NEURL1: variants seen among roughly 807,000 people sequenced by gnomAD.
NEURL1 encodes the protein neuralized E3 ubiquitin protein ligase 1, also known as E3 ubiquitin-protein ligase NEURL1.
In NEURL1, 26 loss-of-function variants were observed where a neutral mutation model predicts 41.2. The ratio of observed to expected loss-of-function variants is 0.63; its 90% CI spans 0.46 to 0.87. The LOEUF (loss-of-function observed/expected upper bound fraction) is 0.87. NEURL1 is among the 40% of genes least tolerant of loss of function. NEURL1 has a pLI of 0.00. For synonymous variants in NEURL1, 400 were observed against 402.3 expected, an observed-to-expected ratio of 0.99 and a Z score of 0.07; for missense variants, 761 against 871.1, an observed-to-expected ratio of 0.87 and a Z score of 1.59.
intron 1 of NEURL1, among the ~76,000 whole-genome samples, chr10:103,525,142 C>T (rs1288033007): frequency 6.6e-6 from 1 of 150,990 alleles, no homozygotes; most frequent in Non-Finnish European, 1.5e-5. Flanking sequence ...TTGTAGAGAT[C>T]TTTCACTTCT....
intron 1 of NEURL1, among the ~76,000 whole-genome samples, chr10:103,544,797 G>T (rs1158220058): frequency 6.6e-6 from 1 of 152,182 alleles, no homozygotes; most frequent in Non-Finnish European, 1.5e-5. Context: ...GCCCCTATTT[G>T]CCTGCTGGTG....
intron 3 of NEURL1, among the ~76,000 whole-genome samples, chr10:103,583,015 C>T (rs945995711): frequency 1.3e-5 from 2 of 152,066 alleles, no homozygotes; most frequent in South Asian, 2.1e-4. Flanking sequence ...CACGGGCTGC[C>T]GTAAGGATGA....
chr10:103,503,778 C>A (rs1259050550), intron 1 of NEURL1, among the ~76,000 whole-genome samples: 2 of 139,922 alleles, frequency 1.4e-5, no homozygotes, highest in Admixed American at 8.1e-5. Context: ...TCATGCTGTG[C>A]TCCCCCTGGC....
intron 1 of NEURL1, among the ~76,000 whole-genome samples, chr10:103,557,665 C>G (rs1476183873): frequency 6.6e-6 from 1 of 152,220 alleles, no homozygotes; most frequent in Non-Finnish European, 1.5e-5. Flanking sequence ...CCCATCAGAA[C>G]CCTTGCATAT....
intron 1 of NEURL1, among the ~76,000 whole-genome samples, chr10:103,563,789 C>T (rs933941785): frequency 6.6e-6 from 1 of 152,176 alleles, no homozygotes; most frequent in Non-Finnish European, 1.5e-5. Context: ...AGTGAGGCTC[C>T]CAAGGTCTTA....
intron 1 of NEURL1, among the ~76,000 whole-genome samples, chr10:103,546,782 G>T (rs1363260039): frequency 6.6e-6 from 1 of 152,230 alleles, no homozygotes; most frequent in Non-Finnish European, 1.5e-5. Context: ...CCTACTGATG[G>T]GCTAAAGCCC....
intron 3 of NEURL1, among the ~76,000 whole-genome samples, chr10:103,573,563 G>A (rs1371423487): frequency 2.6e-5 from 4 of 152,130 alleles, no homozygotes; most frequent in Non-Finnish European, 5.9e-5. Context: ...GGTATCCTCA[G>A]GGCCCCACAC....
At chr10:103,498,882 G>C (rs977709813) in intron 1 of NEURL1, among the ~76,000 whole-genome samples, 1 of 152,138 alleles carries the variant, frequency 6.6e-6, no homozygotes, top group Non-Finnish European at 1.5e-5. Context: ...TTCCTTTTGT[G>C]GTTGAATAAT....
chr10:103,501,501 C>CAAA (rs2033821967), intron 1 of NEURL1, among the ~76,000 whole-genome samples: 1 of 151,984 alleles, frequency 6.6e-6, no homozygotes, highest in African/African-American at 2.4e-5. Context: ...AAAAAAACAA[C>CAAA]AAAAACCAGC....
chr10:103,592,103 TG>T lies in NEURL1; in HGVS notation c.*1734del, dbSNP rs1225247254. 6.6e-6 allele frequency: 1 copy of T among 152,154 alleles called. No individual in the cohort carries two copies. Among genetic ancestry groups the T allele is most frequent in the Non-Finnish European group, 1.5e-5 (1 of 68,038 alleles). The allele number at this position is 152,154 out of a possible 1,614,324, so 9.4% of individuals were successfully genotyped here. A position where few individuals can be genotyped will look rare whatever the true frequency, so the allele number is the denominator to read the frequency against. ...GCACCTCTGTGTGGCAGGCAGGGCA[TG>T]GGTTTTAGTCCTGGCCACTGACCAG... On this transcript the variant is annotated 3_prime_UTR_variant, in exon 6 of 6. Coordinates refer to ENST00000369780, the MANE Select transcript of NEURL1 (RefSeq NM_004210.5). The surrounding 1 kb of genome is among the most constrained non-coding windows in gnomAD (Gnocchi z 4.8).
intron 1 of NEURL1, 108 bp from the exon 2 acceptor site, chr10:103,570,764 G>T: frequency 6.6e-7 from 1 of 1,515,888 alleles, no homozygotes; most frequent in Non-Finnish European, 8.8e-7. Flanking sequence ...AAAGAACTGG[G>T]CTCTGGGTGA....
chr10:103,562,739 G>A (rs1420114913), intron 1 of NEURL1, among the ~76,000 whole-genome samples: 2 of 152,158 alleles, frequency 1.3e-5, no homozygotes, highest in Non-Finnish European at 2.9e-5. Flanking sequence ...AACCTAGTCT[G>A]GGGGTCAGAG....
chr10:103,587,780 A>G (rs1267284832), intron 4 of NEURL1, among the ~76,000 whole-genome samples: 1 of 152,256 alleles, frequency 6.6e-6, no homozygotes, highest in Non-Finnish European at 1.5e-5. Flanking sequence ...AAGAAAAGTA[A>G]ATAGGAGTTG....
chr10:103,547,608 G>A (rs2034949346), intron 1 of NEURL1, among the ~76,000 whole-genome samples: 1 of 152,248 alleles, frequency 6.6e-6, no homozygotes, highest in Non-Finnish European at 1.5e-5. Context: ...CAGCTTTGGG[G>A]TGGCTTCAGC....
intron 1 of NEURL1, chr10:103,555,481 A>T (rs1275494671): frequency 8.6e-6 from 11 of 1,277,184 alleles, no homozygotes; most frequent in Non-Finnish European, 1.1e-5. Flanking sequence ...GGCCGGGCGG[A>T]GGGGCGCTGG....
chr10:103,590,380 C>T lies in NEURL1; in HGVS notation c.*8C>T, dbSNP rs781700407. 2.8e-5 allele frequency: 45 copies of T among 1,607,974 alleles called. No homozygotes were observed. Among genetic ancestry groups the T allele is most frequent in the Middle Eastern group, 1.7e-4 (1 of 6,042 alleles). On this transcript the variant is annotated 3_prime_UTR_variant, in exon 6 of 6. Coordinates refer to ENST00000369780, the MANE Select transcript of NEURL1 (RefSeq NM_004210.5). ...ACCTACCGCAGCTCCTAGCCCGTTG[C>T]GGTGGCCCATCCCGCATACCCATCT...
At chr10:103,568,443 C>T (rs1423632942) in intron 1 of NEURL1, among the ~76,000 whole-genome samples, 3 of 152,184 alleles carry the variant, frequency 2.0e-5, no homozygotes, top group African/African-American at 7.2e-5. Context: ...GGATTGGTGG[C>T]CCTGCAGTTG....
intron 1 of NEURL1, among the ~76,000 whole-genome samples, chr10:103,564,468 G>A (rs1185713399): frequency 6.6e-6 from 1 of 152,156 alleles, no homozygotes; most frequent in Non-Finnish European, 1.5e-5. Flanking sequence ...TGCTGCAGCT[G>A]CTCCCCTAGC....
At chr10:103,539,715 C>T (rs528522106) in intron 1 of NEURL1, among the ~76,000 whole-genome samples, 1 of 152,332 alleles carries the variant, frequency 6.6e-6, no homozygotes, top group African/African-American at 2.4e-5. Context: ...CTTGAGCGTG[C>T]AATGTGTCCA....
Sources: gnomAD v4.1 joint callset for allele counts (sites outside exome capture counted in the v4.1 genomes callset) on GRCh38, gnomAD v4.1.1 for gene constraint, Gnocchi (gnomAD v3.1) non-coding constraint, MANE v1.5 for transcripts, NCBI Gene and HGNC (gene_info 2026-07-23, HGNC 2026-07-21) for gene names.